Variants in MTUS2 observed in about 807,000 individuals in gnomAD.
The protein encoded by MTUS2 is microtubule-associated tumor suppressor candidate 2.
MTUS2 carries 40 observed loss-of-function variants against 114.1 expected under a neutral mutation model. The observed-to-expected ratio is 0.35, with a 90% CI of 0.27 to 0.46. MTUS2 has a LOEUF of 0.46. Among genes scored for constraint, MTUS2 ranks in the 20% least tolerant of loss-of-function variants. The pLI is 1.00. For missense variants in MTUS2, 1,679 were observed against 1,705.4 expected (o/e 0.98, Z 0.27); for synonymous variants, 688 against 672.0 (o/e 1.02, Z -0.37).
intron 5 of MTUS2, among the ~76,000 whole-genome samples, chr13:29,210,805 C>T (rs1038014584): frequency 3.3e-4 from 50 of 152,172 alleles, no homozygotes; most frequent in Middle Eastern, 3.4e-3. Context: ...GCCGTGAGTA[C>T]GAGCACCTCC....
chr13:29,423,952 C>T (rs975024003), intron 8 of MTUS2, among the ~76,000 whole-genome samples: 1 of 151,718 alleles, frequency 6.6e-6, no homozygotes, highest in Admixed American at 6.6e-5. Flanking sequence ...GCAACCTCGG[C>T]CTCCAGGGTT....
chr13:29,389,593 A>ATG (rs1258322274), intron 8 of MTUS2, among the ~76,000 whole-genome samples: 1 of 133,980 alleles, frequency 7.5e-6, no homozygotes, highest in African/African-American at 3.2e-5. Flanking sequence ...ACGTATACAT[A>ATG]TGTGTGTATA....
intron 1 of MTUS2, among the ~76,000 whole-genome samples, chr13:28,830,820 G>A (rs1169162093): frequency 6.6e-6 from 1 of 152,152 alleles, no homozygotes; most frequent in Admixed American, 6.5e-5. Flanking sequence ...AAGATTAACA[G>A]CTGACTTCTC....
At chr13:28,909,049 ATC>A (rs1880232979) in intron 2 of MTUS2, among the ~76,000 whole-genome samples, 1 of 151,332 alleles carries the variant, frequency 6.6e-6, no homozygotes, top group Non-Finnish European at 1.5e-5. Context: ...ATTGGTCTAT[ATC>A]TCTGTTTTGG....
At chr13:29,389,385 ACACGTG>A (rs1399200127) in intron 8 of MTUS2, among the ~76,000 whole-genome samples, 3 of 67,654 alleles carry the variant, frequency 4.4e-5, no homozygotes, top group Admixed American at 1.8e-4. Flanking sequence ...ATATATGTAT[ACACGTG>A]TGTGTATATA....
intron 4 of MTUS2, among the ~76,000 whole-genome samples, chr13:29,046,938 G>A (rs1191149772): frequency 6.6e-6 from 1 of 152,126 alleles, no homozygotes; most frequent in Admixed American, 6.5e-5. Context: ...GATTAGTTTA[G>A]ATTGTATGAC....
At chr13:29,495,355 CAAAAAAAAAAAAAAAA>C (rs561721512) in intron 12 of MTUS2, among the ~76,000 whole-genome samples, 1 of 29,808 alleles carries the variant, frequency 3.4e-5, no homozygotes, top group South Asian at 1.5e-3. Context: ...GAGTCTTTGT[CAAAAAAAAAAAAAAAA>C]AAAAAAAAAG....
At chr13:28,966,749 CAAA>C (rs1883613344) in intron 2 of MTUS2, among the ~76,000 whole-genome samples, 1 of 87,898 alleles carries the variant, frequency 1.1e-5, no homozygotes, top group Non-Finnish European at 2.5e-5. Flanking sequence ...AAAAAAAAAA[CAAA>C]GAACTGATTA....
At chr13:29,481,625 C>A (rs1036955276) in intron 10 of MTUS2, among the ~76,000 whole-genome samples, 1 of 152,156 alleles carries the variant, frequency 6.6e-6, no homozygotes, top group Admixed American at 6.5e-5. Flanking sequence ...ACATCTCAGA[C>A]GACAATACCC....
At chr13:29,122,566 G>A (rs533492876) in intron 5 of MTUS2, among the ~76,000 whole-genome samples, 1 of 150,798 alleles carries the variant, frequency 6.6e-6, no homozygotes, top group Non-Finnish European at 1.5e-5. Context: ...CCCATGACAT[G>A]TGGGAATTGT....
chr13:29,012,111 G>A (rs1289160967), intron 2 of MTUS2, among the ~76,000 whole-genome samples: 2 of 152,158 alleles, frequency 1.3e-5, no homozygotes, highest in Non-Finnish European at 2.9e-5. Context: ...CTGTAGATAA[G>A]GGAGGGTCCT....
intron 6 of MTUS2, among the ~76,000 whole-genome samples, chr13:29,318,413 C>G (rs1900110168): frequency 2.5e-5 from 2 of 80,594 alleles, no homozygotes; most frequent in Non-Finnish European, 4.9e-5. Context: ...GAGATGACAG[C>G]CTCGTCCTCA....
chr13:28,904,848 A>G (rs894698275), intron 2 of MTUS2, among the ~76,000 whole-genome samples: 3 of 151,910 alleles, frequency 2.0e-5, no homozygotes, highest in African/African-American at 4.8e-5. Flanking sequence ...CTTGGGCAGT[A>G]TGGCCATTTT....
At chr13:28,950,123 TG>T (rs1882737278) in intron 2 of MTUS2, among the ~76,000 whole-genome samples, 1 of 152,230 alleles carries the variant, frequency 6.6e-6, no homozygotes, top group Non-Finnish European at 1.5e-5. Flanking sequence ...TGTTATTGTC[TG>T]TTTTTTGATA....
chr13:29,337,584 T>C, intron 7 of MTUS2, among the ~76,000 whole-genome samples: 1 of 145,280 alleles, frequency 6.9e-6, no homozygotes, highest in African/African-American at 2.5e-5. Context: ...CAGAGCTGTT[T>C]TATTTATTTT....
chr13:28,968,153 CATT>C (rs1883686038), intron 2 of MTUS2, among the ~76,000 whole-genome samples: 4 of 152,100 alleles, frequency 2.6e-5, no homozygotes, highest in African/African-American at 7.2e-5. Context: ...TTTGAGGTAT[CATT>C]GTGTCTCATT....
At chr13:29,133,849 A>AT (rs1323137196) in intron 5 of MTUS2, among the ~76,000 whole-genome samples, 1 of 151,906 alleles carries the variant, frequency 6.6e-6, no homozygotes, top group African/African-American at 2.4e-5. Flanking sequence ...GGTTTTATTG[A>AT]TTTTCTCTAT....
intron 2 of MTUS2, among the ~76,000 whole-genome samples, chr13:28,884,423 C>A (rs1026416855): frequency 6.6e-5 from 10 of 152,124 alleles, no homozygotes; most frequent in African/African-American, 2.4e-4. Context: ...TGGGTATAGA[C>A]TTTGGCAAGA....
intron 3 of MTUS2, among the ~76,000 whole-genome samples, chr13:29,032,673 A>C (rs578261320): frequency 8.6e-4 from 131 of 152,342 alleles, no homozygotes; most frequent in African/African-American, 3.0e-3. Flanking sequence ...TTGTTTCTAC[A>C]ATGTCAATTT....
Sources: gnomAD v4.1 joint callset for allele counts (sites outside exome capture counted in the v4.1 genomes callset) on GRCh38, gnomAD v4.1.1 for gene constraint, MANE v1.5 for transcripts, NCBI Gene and HGNC (gene_info 2026-07-23, HGNC 2026-07-21) for gene names.